Variants in NIPBL observed in about 807,000 individuals in gnomAD.
NIPBL encodes nipped-B-like protein.
A neutral mutation model predicts 321.8 loss-of-function variants in NIPBL; 19 were observed. The ratio of observed to expected loss-of-function variants is 0.06; its 90% CI spans 0.04 to 0.09. The LOEUF is 0.09. Ranked by LOEUF, NIPBL falls within the 10% of genes least tolerant of loss-of-function variation. The probability of loss-of-function intolerance (pLI) is 1.00; values close to 1 mark genes in which losing one functional copy is unlikely to be tolerated. For missense variants in NIPBL, 2,210 were observed against 3,327.0 expected, an observed-to-expected ratio of 0.66 and a Z score of 8.26; for synonymous variants, 1,106 against 1,114.1, an observed-to-expected ratio of 0.99 and a Z score of 0.14.
intron 3 of NIPBL, among the ~76,000 whole-genome samples, chr5:36,957,331 C>T (rs1741078756): frequency 1.3e-5 from 2 of 152,170 alleles, no homozygotes; most frequent in South Asian, 4.1e-4. Context: ...TACATAACCT[C>T]TGGGTCTTGT....
At chr5:36,962,762 C>G (rs1741774839) in intron 6 of NIPBL, among the ~76,000 whole-genome samples, 1 of 152,074 alleles carries the variant, frequency 6.6e-6, no homozygotes, top group Non-Finnish European at 1.5e-5. Context: ...ATTACATAAA[C>G]AATATAGTAT....
chr5:37,040,802 A>C (rs1250391527), intron 34 of NIPBL, among the ~76,000 whole-genome samples: 1 of 152,188 alleles, frequency 6.6e-6, no homozygotes, highest in Non-Finnish European at 1.5e-5. Context: ...TGTGTTTTAT[A>C]CAACCTTTTG....
At chr5:37,001,425 A>C (rs993234252) in intron 14 of NIPBL, among the ~76,000 whole-genome samples, 13 of 152,172 alleles carry the variant, frequency 8.5e-5, no homozygotes, top group African/African-American at 3.1e-4. Context: ...AAACTCAAGT[A>C]TATATTAATC....
chr5:36,899,021 C>G (rs533394456), intron 1 of NIPBL, among the ~76,000 whole-genome samples: 1 of 152,100 alleles, frequency 6.6e-6, no homozygotes, highest in African/African-American at 2.4e-5. Flanking sequence ...AGAAAACTCT[C>G]AAGTGTTTGC....
chr5:36,956,617 T>A, intron 3 of NIPBL, among the ~76,000 whole-genome samples: 1 of 69,566 alleles, frequency 1.4e-5, no homozygotes, highest in Non-Finnish European at 2.8e-5. Flanking sequence ...AAATCACTTC[T>A]TTTTTTTTTT....
chr5:36,952,053 T>TGTGTGCGTGCGCGC (rs778597604), intron 1 of NIPBL, among the ~76,000 whole-genome samples: 1 of 112,112 alleles, frequency 8.9e-6, no homozygotes, highest in South Asian at 3.8e-4. Context: ...TGTGTGTGTG[T>TGTGTGCGTGCGCGC]GCGCGCGCGC....
At chr5:36,937,338 G>C (rs954072877) in intron 1 of NIPBL, among the ~76,000 whole-genome samples, 1 of 152,026 alleles carries the variant, frequency 6.6e-6, no homozygotes, top group South Asian at 2.1e-4. Flanking sequence ...ATATACTCTT[G>C]ACATTCTAAA....
At chr5:36,934,685 A>G (rs1031073258) in intron 1 of NIPBL, among the ~76,000 whole-genome samples, 4 of 152,196 alleles carry the variant, frequency 2.6e-5, no homozygotes, top group Admixed American at 2.0e-4. Flanking sequence ...ACATTCATAC[A>G]TTGGTACTGT....
chr5:36,926,577 A>C (rs1350891159), intron 1 of NIPBL, among the ~76,000 whole-genome samples: 2 of 152,218 alleles, frequency 1.3e-5, no homozygotes, highest in Non-Finnish European at 2.9e-5. Flanking sequence ...TGCTTATTTG[A>C]AAGCTGTAAG....
At position 36,971,946 on chromosome 5, in the gene NIPBL, A is replaced by T. The variant is rs757986074; in HGVS notation, c.773A>T (p.Asp258Val). ...ATAAATTGTATACTCTATTTTTAGG[A>T]TGGAGATTCTTCAACAATGAGGAAT... ...LHMVHRLSSD[D>V]GDSSTMRNAA... is the part of the protein sequence containing the mutation. Residue 258 changes from aspartate (D) to valine (V), a missense_variant and splice_region_variant, in exon 8 of 47, where the codon GAT becomes GTT. This residue lies in a region of NIPBL where 464 missense variants were observed against 529.5 expected (regional missense o/e 0.88). Transcript: ENST00000282516. The T allele has an allele frequency of 1.9e-6, 3 of 1,611,352 alleles. No individual in the cohort carries two copies. Among genetic ancestry groups the T allele is most frequent in the East Asian group, 2.2e-5 (1 of 44,776 alleles).
intron 1 of NIPBL, among the ~76,000 whole-genome samples, chr5:36,900,289 C>T (rs1424964006): frequency 1.3e-5 from 2 of 152,104 alleles, no homozygotes; most frequent in African/African-American, 4.8e-5. Context: ...TATAAGTATT[C>T]TATTAATGAT....
At chr5:36,997,204 C>A (rs1258710034) in intron 11 of NIPBL, among the ~76,000 whole-genome samples, 2 of 152,030 alleles carry the variant, frequency 1.3e-5, no homozygotes, top group Admixed American at 1.3e-4. Context: ...CCTTACCACT[C>A]TGCCTCTTTC....
intron 1 of NIPBL, among the ~76,000 whole-genome samples, chr5:36,924,638 G>T (rs913100582): frequency 6.6e-6 from 1 of 152,104 alleles, no homozygotes; most frequent in African/African-American, 2.4e-5. Flanking sequence ...TAACTGCTTT[G>T]GATGATTGCC....
At chr5:37,002,442 A>G (rs1746927311) in intron 14 of NIPBL, among the ~76,000 whole-genome samples, 1 of 152,160 alleles carries the variant, frequency 6.6e-6, no homozygotes, top group African/African-American at 2.4e-5. Flanking sequence ...TAAAGTAGTA[A>G]AGATAAGATA....
At chr5:37,028,120 A>T (rs1750522189) in intron 32 of NIPBL, among the ~76,000 whole-genome samples, 1 of 152,020 alleles carries the variant, frequency 6.6e-6, no homozygotes, top group East Asian at 1.9e-4. Context: ...ACAGAGTCAA[A>T]CCACAACTAG....
intron 9 of NIPBL, among the ~76,000 whole-genome samples, chr5:36,983,277 A>G (rs1744354359): frequency 6.6e-6 from 1 of 151,924 alleles, no homozygotes. Flanking sequence ...TGACTGGACA[A>G]CTGAAGGAGC....
intron 1 of NIPBL, among the ~76,000 whole-genome samples, chr5:36,944,057 G>T (rs959036789): frequency 6.6e-6 from 1 of 152,104 alleles, no homozygotes; most frequent in Non-Finnish European, 1.5e-5. Flanking sequence ...GAATTTTGCT[G>T]TGAAAGGGAA....
At chr5:36,929,264 C>CT (rs558667618) in intron 1 of NIPBL, among the ~76,000 whole-genome samples, 9 of 151,932 alleles carry the variant, frequency 5.9e-5, no homozygotes, top group Middle Eastern at 3.4e-3. Flanking sequence ...ATACTGAGCA[C>CT]TTTTTTTTAT....
chr5:36,977,081 A>G (rs555096093), intron 9 of NIPBL, among the ~76,000 whole-genome samples: 2 of 152,016 alleles, frequency 1.3e-5, no homozygotes, highest in African/African-American at 2.4e-5. Flanking sequence ...AAATAAATTC[A>G]TAGTAAGTTC....
Sources: allele counts gnomAD v4.1 joint callset (sites outside exome capture counted in the v4.1 genomes callset), GRCh38; gene constraint gnomAD v4.1.1; regional missense constraint gnomAD v4.1.1; transcripts MANE v1.5; gene names NCBI Gene and HGNC (gene_info 2026-07-23, HGNC 2026-07-21).